Variants in DOCK2 observed in about 807,000 individuals in gnomAD.
DOCK2 encodes the protein dedicator of cytokinesis 2, also known as dedicator of cytokinesis protein 2.
In DOCK2, 87 loss-of-function variants were observed where a neutral mutation model predicts 248.9. That is an observed-to-expected ratio of 0.35 (90% confidence interval 0.29 to 0.42). The LOEUF (loss-of-function observed/expected upper bound fraction) is 0.42. DOCK2 is among the 10% of genes least tolerant of loss of function. The pLI is 1.00. For synonymous variants in DOCK2, 805 were observed against 821.6 expected (o/e 0.98, Z 0.35); for missense variants, 1,747 against 2,300.2 (o/e 0.76, Z 4.92).
intron 26 of DOCK2, among the ~76,000 whole-genome samples, chr5:169,810,985 TCTCTCACACACA>T (rs776571812): frequency 2.6e-5 from 2 of 77,464 alleles, no homozygotes; most frequent in South Asian, 4.6e-4. Context: ...TCTCTCTCTC[TCTCTCACACACA>T]CACACACACA....
intron 27 of DOCK2, among the ~76,000 whole-genome samples, chr5:169,894,611 G>C (rs1216968430): frequency 6.6e-6 from 1 of 152,190 alleles, no homozygotes; most frequent in East Asian, 1.9e-4. Context: ...CAGAGAACTC[G>C]GTGGCACAAG....
At chr5:169,732,638 A>T (rs780675726) in intron 22 of DOCK2, among the ~76,000 whole-genome samples, 1 of 152,196 alleles carries the variant, frequency 6.6e-6, no homozygotes, top group Non-Finnish European at 1.5e-5. Flanking sequence ...GTTACTCCAC[A>T]TATGGTCCAC....
chr5:170,042,297 C>T (rs953862578), intron 38 of DOCK2, among the ~76,000 whole-genome samples, 165 bp downstream of exon 38: 4 of 152,214 alleles, frequency 2.6e-5, no homozygotes, highest in African/African-American at 9.6e-5. Flanking sequence ...CTTCCACCTC[C>T]ATGTAAGGCA....
intron 27 of DOCK2, among the ~76,000 whole-genome samples, chr5:169,965,248 A>AT (rs1777253448): frequency 6.6e-6 from 1 of 152,200 alleles, no homozygotes; most frequent in Admixed American, 6.5e-5. Flanking sequence ...CCACCTGCAG[A>AT]TCTTAGAATC....
chr5:169,908,877 A>G (rs1774442492), intron 27 of DOCK2, among the ~76,000 whole-genome samples: 1 of 151,932 alleles, frequency 6.6e-6, no homozygotes, highest in Non-Finnish European at 1.5e-5. Context: ...ACATTATTGC[A>G]TTTCACCTTC....
chr5:169,911,221 A>G (rs1774577712), intron 27 of DOCK2, among the ~76,000 whole-genome samples: 1 of 152,228 alleles, frequency 6.6e-6, no homozygotes, highest in African/African-American at 2.4e-5. Flanking sequence ...GCTTTGAAAC[A>G]GAGGATAAGA....
At chr5:169,857,236 T>G (rs1444024695) in intron 27 of DOCK2, among the ~76,000 whole-genome samples, 1 of 152,226 alleles carries the variant, frequency 6.6e-6, no homozygotes, top group Non-Finnish European at 1.5e-5. Flanking sequence ...CTGCTTTAAT[T>G]TCAAAAGTCA....
At chr5:169,731,322 G>A (rs1313310184) in intron 22 of DOCK2, among the ~76,000 whole-genome samples, 3 of 152,092 alleles carry the variant, frequency 2.0e-5, no homozygotes, top group African/African-American at 7.2e-5. Context: ...TACAGGGGTG[G>A]GTCTTTTCTG....
intron 23 of DOCK2, among the ~76,000 whole-genome samples, chr5:169,750,686 G>A (rs2113700648): frequency 6.6e-6 from 1 of 152,324 alleles, no homozygotes; most frequent in Non-Finnish European, 1.5e-5. Context: ...GACATAGAAA[G>A]GGGCTTCATC....
intron 48 of DOCK2, among the ~76,000 whole-genome samples, chr5:170,078,748 T>G (rs1233369841): frequency 6.6e-6 from 1 of 152,272 alleles, no homozygotes. Flanking sequence ...TCTTTCAATT[T>G]CATTTTACCA....
At chr5:169,951,564 T>C (rs1265982337) in intron 27 of DOCK2, among the ~76,000 whole-genome samples, 2 of 152,210 alleles carry the variant, frequency 1.3e-5, no homozygotes, top group African/African-American at 2.4e-5. Flanking sequence ...GATCACACCC[T>C]GATCAGACCA....
intron 22 of DOCK2, among the ~76,000 whole-genome samples, chr5:169,722,956 C>T (rs549964867): frequency 1.6e-4 from 25 of 152,306 alleles, no homozygotes; most frequent in Admixed American, 2.0e-4. Context: ...CAGGAATTCA[C>T]GCTGGTCTAC....
intron 44 of DOCK2, among the ~76,000 whole-genome samples, chr5:170,063,305 A>T (rs1242939280): frequency 6.6e-6 from 1 of 152,198 alleles, no homozygotes; most frequent in Non-Finnish European, 1.5e-5. Context: ...AAAGGACTCC[A>T]TCTAAACCTC....
At chr5:169,739,856 A>G (rs1028172287) in intron 22 of DOCK2, among the ~76,000 whole-genome samples, 7 of 152,236 alleles carry the variant, frequency 4.6e-5, no homozygotes, top group African/African-American at 1.7e-4. Context: ...TTTCAAGTAG[A>G]TGATGTAATC....
intron 32 of DOCK2, among the ~76,000 whole-genome samples, chr5:170,018,024 G>C (rs1163364289): frequency 6.6e-6 from 1 of 152,216 alleles, no homozygotes; most frequent in Non-Finnish European, 1.5e-5. Flanking sequence ...CCTGTGCTCA[G>C]TGCTATAGAC....
At chr5:169,832,707 A>T (rs753166405) in intron 26 of DOCK2, among the ~76,000 whole-genome samples, 4 of 152,228 alleles carry the variant, frequency 2.6e-5, no homozygotes, top group African/African-American at 9.6e-5. Context: ...TCAAAGTTAG[A>T]TATTTTCTTT....
chr5:169,688,078 C>A (rs993975036), intron 8 of DOCK2, among the ~76,000 whole-genome samples: 9 of 152,168 alleles, frequency 5.9e-5, no homozygotes, highest in Admixed American at 4.6e-4. Flanking sequence ...GCATGTGCCA[C>A]CATGCCTGGC....
intron 27 of DOCK2, among the ~76,000 whole-genome samples, chr5:169,920,715 G>A (rs184527149): frequency 4.6e-5 from 7 of 152,274 alleles, no homozygotes; most frequent in East Asian, 3.9e-4. Flanking sequence ...GCTCATTCCC[G>A]TCTCCCGTCT....
At chr5:169,713,179 G>T (rs188048018) in intron 17 of DOCK2, among the ~76,000 whole-genome samples, 2 of 152,164 alleles carry the variant, frequency 1.3e-5, no homozygotes. Flanking sequence ...AGAATTCTTG[G>T]CTTGAAAGCC....
Sources: gnomAD v4.1 joint callset for allele counts (sites outside exome capture counted in the v4.1 genomes callset) on GRCh38, gnomAD v4.1.1 for gene constraint, MANE v1.5 for transcripts, NCBI Gene and HGNC (gene_info 2026-07-23, HGNC 2026-07-21) for gene names.